The following MFHAS1 variants were observed in gnomAD, a reference collection of about 807,000 sequenced individuals.
The protein encoded by MFHAS1 is multifunctional ROCO family signaling regulator 1, also known as malignant fibrous histiocytoma-amplified sequence 1.
A neutral mutation model predicts 70.4 loss-of-function variants in MFHAS1; 50 were observed. The ratio of observed to expected loss-of-function variants is 0.71; its 90% CI spans 0.57 to 0.90. MFHAS1 has a LOEUF of 0.90. Among genes scored for constraint, MFHAS1 ranks in the 40% least tolerant of loss-of-function variants. The probability of loss-of-function intolerance (pLI) is 0.00; values close to 1 mark genes in which losing one functional copy is unlikely to be tolerated. For synonymous variants in MFHAS1, 952 were observed against 620.0 expected, an observed-to-expected ratio of 1.54 and a Z score of -7.96; for missense variants, 1,795 against 1,347.6, an observed-to-expected ratio of 1.33 and a Z score of -5.20.
intron 1 of MFHAS1, among the ~76,000 whole-genome samples, chr8:8,828,766 G>C (rs956043514): frequency 2.6e-5 from 4 of 152,222 alleles, no homozygotes; most frequent in African/African-American, 9.6e-5. Context: ...GCATAGCCTG[G>C]AAAGAGCTGG....
chr8:8,821,382 T>C (rs1351753185), intron 1 of MFHAS1, among the ~76,000 whole-genome samples: 2 of 152,202 alleles, frequency 1.3e-5, no homozygotes, highest in African/African-American at 4.8e-5. Flanking sequence ...TTTTACAGAA[T>C]GCAAGTAAGT....
intron 1 of MFHAS1, among the ~76,000 whole-genome samples, chr8:8,798,755 C>G (rs908972973): frequency 6.6e-6 from 1 of 152,142 alleles, no homozygotes; most frequent in Admixed American, 6.5e-5. Flanking sequence ...ACTTGAAATT[C>G]TAGAGACTCC....
chr8:8,881,596 G>T (rs1160588002), intron 1 of MFHAS1, among the ~76,000 whole-genome samples: 2 of 152,206 alleles, frequency 1.3e-5, no homozygotes, highest in African/African-American at 4.8e-5. Flanking sequence ...CACTTTGGGA[G>T]GCTGAGGCGG....
chr8:8,836,472 G>A (rs143457902), intron 1 of MFHAS1, among the ~76,000 whole-genome samples: 15 of 152,164 alleles, frequency 9.9e-5, no homozygotes, highest in Admixed American at 2.0e-4. Flanking sequence ...TCAAACTCCC[G>A]GGCTCGAGTG....
chr8:8,831,804 C>T (rs896573176), intron 1 of MFHAS1, among the ~76,000 whole-genome samples: 6 of 152,016 alleles, frequency 3.9e-5, no homozygotes, highest in Non-Finnish European at 5.9e-5. Flanking sequence ...AGACGGGTTT[C>T]ACCATGTTAG....
chr8:8,818,258 A>T (rs981303579), intron 1 of MFHAS1, among the ~76,000 whole-genome samples: 4 of 152,158 alleles, frequency 2.6e-5, no homozygotes, highest in African/African-American at 4.8e-5. Context: ...ATAATCCAAC[A>T]GTAAATTTTC....
chr8:8,892,260 C>A lies in MFHAS1; in HGVS notation c.799G>T (p.Ala267Ser). ...AGCCGCTGCAGGCAGCTGAACTGGGCGGGCAGAGCCTGCAGCCCGTTGTTG... is the reference window on the plus strand; with the variant it reads ...AGCCGCTGCAGGCAGCTGAACTGGGAGGGCAGAGCCTGCAGCCCGTTGTTG... ...LDNNGLQALP[A>S]QFSCLQRLKM... Residue 267 changes from alanine to serine, a missense_variant, in exon 1 of 3, where the codon GCC (alanine) becomes TCC (serine). Transcript: ENST00000276282. This position sits in a 1 kb window ranked among gnomAD's most constrained non-coding sequence, Gnocchi z 4.7. 6.2e-7 allele frequency: 1 copy of A among 1,612,044 alleles called. No homozygotes were observed. Among genetic ancestry groups the A allele is most frequent in the Non-Finnish European group, 8.5e-7 (1 of 1,180,022 alleles).
intron 1 of MFHAS1, among the ~76,000 whole-genome samples, chr8:8,803,574 TAG>T (rs1806161195): frequency 7.0e-6 from 1 of 143,576 alleles, no homozygotes; most frequent in Non-Finnish European, 1.5e-5. Flanking sequence ...TGAACATGTA[TAG>T]ACCTTTTTCT....
chr8:8,844,263 A>AG (rs1170920282), intron 1 of MFHAS1, among the ~76,000 whole-genome samples: 2 of 152,240 alleles, frequency 1.3e-5, no homozygotes, highest in Non-Finnish European at 2.9e-5. Context: ...TATGATTCTA[A>AG]GTCAGTTAAT....
chr8:8,827,316 T>A (rs1807199490), intron 1 of MFHAS1, among the ~76,000 whole-genome samples: 1 of 152,200 alleles, frequency 6.6e-6, no homozygotes, highest in Non-Finnish European at 1.5e-5. Flanking sequence ...AATGACTGAG[T>A]CTAAGAATAC....
Position 8,890,867 on chromosome 8 carries a change from G to A in MFHAS1, c.2192C>T (p.Thr731Ile), listed in dbSNP as rs755006853. ...GACATTGAGGATGTCGATGAGGCGG[G>A]TGAGGTTGTGGAAGACGTGCTCCTT... is the stretch of plus-strand genomic sequence containing the variant. ...ALKEHVFHNL[T>I]RLIDILNVFF... Residue 731 changes from threonine (T) to isoleucine (I), a missense_variant, in exon 1 of 3, where the codon ACC becomes ATC. Transcript: ENST00000276282. The A allele has an allele frequency of 1.2e-6, 2 of 1,614,164 alleles. No homozygotes were observed. Among genetic ancestry groups the A allele is most frequent in the South Asian group, 1.1e-5 (1 of 91,086 alleles).
Position 8,785,098 on chromosome 8 carries a change from C to T in MFHAS1, c.*924G>A, listed in dbSNP as rs1476713632. On this transcript the variant is annotated 3_prime_UTR_variant, in exon 3 of 3. Transcript: ENST00000276282. The stretch of plus-strand genomic sequence containing the variant: ...AGTAAGGTACTTATTAAGCAGAGCA[C>T]TTTGTAAGATTCAGAACTGACTCCT... 6.6e-6 allele frequency: 1 copy of T among 152,130 alleles called. No individual in the cohort carries two copies. The highest frequency in any genetic ancestry group is 1.5e-5 in the Non-Finnish European group (1 of 68,034). 9.4% of individuals were successfully genotyped at this position (152,130 alleles called of 1,614,324 possible). A position where few individuals can be genotyped will look rare whatever the true frequency, so the allele number is the denominator to read the frequency against.
chr8:8,873,427 A>C (rs1221853301), intron 1 of MFHAS1, among the ~76,000 whole-genome samples: 2 of 152,130 alleles, frequency 1.3e-5, no homozygotes, highest in Non-Finnish European at 2.9e-5. Flanking sequence ...ATACGTCATT[A>C]AGTATGTTTT....
chr8:8,834,344 TA>T (rs1438657037), intron 1 of MFHAS1, among the ~76,000 whole-genome samples: 1 of 152,204 alleles, frequency 6.6e-6, no homozygotes, highest in African/African-American at 2.4e-5. Context: ...AAGCCTACAG[TA>T]ATGTGCAGTA....
intron 1 of MFHAS1, among the ~76,000 whole-genome samples, chr8:8,886,756 T>C (rs1051136500): frequency 2.6e-5 from 4 of 152,234 alleles, no homozygotes; most frequent in Admixed American, 6.5e-5. Context: ...TTATAGTTTA[T>C]AGGACAACTT....
intron 1 of MFHAS1, among the ~76,000 whole-genome samples, chr8:8,864,497 G>A (rs1808786225): frequency 6.6e-6 from 1 of 152,160 alleles, no homozygotes; most frequent in Non-Finnish European, 1.5e-5. Context: ...ATATTCTTAT[G>A]TTAACCTTGA....
At chr8:8,889,519 G>A (rs963160192) in intron 1 of MFHAS1, among the ~76,000 whole-genome samples, 4 of 152,180 alleles carry the variant, frequency 2.6e-5, no homozygotes, top group Non-Finnish European at 4.4e-5. Flanking sequence ...GATGGATACC[G>A]CATTTTACAA....
intron 2 of MFHAS1, among the ~76,000 whole-genome samples, chr8:8,794,257 C>G (rs1426023931): frequency 6.6e-6 from 1 of 152,106 alleles, no homozygotes; most frequent in Non-Finnish European, 1.5e-5. Context: ...GAGTTGAAAG[C>G]CAGTGCAATA....
chr8:8,872,746 G>A (rs142782226), intron 1 of MFHAS1, among the ~76,000 whole-genome samples: 1 of 151,870 alleles, frequency 6.6e-6, no homozygotes, highest in Non-Finnish European at 1.5e-5. Context: ...AATAGAAAAT[G>A]AGTGGATATT....
Sources: gnomAD v4.1 joint callset for allele counts (sites outside exome capture counted in the v4.1 genomes callset) on GRCh38, gnomAD v4.1.1 for gene constraint, Gnocchi (gnomAD v3.1) non-coding constraint, MANE v1.5 for transcripts, NCBI Gene and HGNC (gene_info 2026-07-23, HGNC 2026-07-21) for gene names.